The following VMP1 variants were observed in gnomAD, a reference collection of about 807,000 sequenced individuals.
The protein encoded by VMP1 is vacuole membrane protein 1.
A neutral mutation model predicts 56.0 loss-of-function variants in VMP1; 11 were observed. That is an observed-to-expected ratio of 0.20 (90% CI 0.12 to 0.32). The LOEUF is 0.32. Among genes scored for constraint, VMP1 ranks in the 10% least tolerant of loss-of-function variants. The pLI, the probability that VMP1 is intolerant of heterozygous loss-of-function variation, is 1.00. For missense variants in VMP1, 296 were observed against 490.3 expected (o/e 0.60, Z 3.74); for synonymous variants, 149 against 165.0 (o/e 0.90, Z 0.74).
At chr17:59,771,205 A>T (rs1313738181) in intron 6 of VMP1, among the ~76,000 whole-genome samples, 1 of 150,056 alleles carries the variant, frequency 6.7e-6, no homozygotes, top group Non-Finnish European at 1.5e-5. Flanking sequence ...ACAGGGTCTC[A>T]CTCTGTCACC....
chr17:59,786,038 G>C (rs2036996630), intron 7 of VMP1, among the ~76,000 whole-genome samples: 1 of 151,860 alleles, frequency 6.6e-6, no homozygotes, highest in Admixed American at 6.6e-5. Flanking sequence ...AGCTTAATAG[G>C]ATCTTTGTCC....
chr17:59,727,141 GT>G (rs1022672307), intron 1 of VMP1, among the ~76,000 whole-genome samples: 11 of 148,490 alleles, frequency 7.4e-5, no homozygotes, highest in Admixed American at 4.0e-4. Flanking sequence ...GTTTTTTTTT[GT>G]TTTTTTTTGA....
In VMP1 at chr17:59,821,539, C is replaced by CTTTTTTTTTTTTTT. The variant is rs530907168; in HGVS notation, c.974+3776_974+3789dup. 1.9e-4 allele frequency among the ~76,000 whole-genome samples: 20 copies of CTTTTTTTTTTTTTT among 104,724 alleles called. 1 individual carries two copies. Among genetic ancestry groups the CTTTTTTTTTTTTTT allele is most frequent in the African/African-American group, 7.2e-4 (19 of 26,254 alleles). 68.7% of individuals were successfully genotyped at this position (104,724 alleles called of 152,430 possible). Reference sequence around the variant, plus strand: ...TACAGGGATTACCTCAGCTACTTTTCTTTTTTTTTTTTTTTTTTTTTTTGA... The same window carrying CTTTTTTTTTTTTTT: ...TACAGGGATTACCTCAGCTACTTTTCTTTTTTTTTTTTTTTTTTTTTTTTTTTTTTTTTTTTTGA... On this transcript the variant is annotated intron_variant, in intron 10 of 11. Coordinates refer to ENST00000262291, the MANE Select transcript of VMP1 (RefSeq NM_030938.5).
intron 10 of VMP1, among the ~76,000 whole-genome samples, chr17:59,819,412 G>A (rs1022635568): frequency 1.3e-5 from 2 of 152,010 alleles, no homozygotes; most frequent in South Asian, 4.1e-4. Flanking sequence ...CAAAGTGTTG[G>A]AATTACTGGC....
intron 7 of VMP1, among the ~76,000 whole-genome samples, chr17:59,799,923 G>A (rs1014874238): frequency 1.4e-5 from 2 of 146,996 alleles, no homozygotes; most frequent in Non-Finnish European, 3.0e-5. Flanking sequence ...AGATCCTGGG[G>A]GATAAGAGTG....
At chr17:59,747,834 G>T (rs2035484706) in intron 5 of VMP1, among the ~76,000 whole-genome samples, 1 of 151,906 alleles carries the variant, frequency 6.6e-6, no homozygotes, top group Non-Finnish European at 1.5e-5. Context: ...GTTTAAGGCT[G>T]CAGTGAGCTA....
At chr17:59,777,825 A>G (rs2036677366) in intron 7 of VMP1, among the ~76,000 whole-genome samples, 1 of 151,054 alleles carries the variant, frequency 6.6e-6, no homozygotes, top group Non-Finnish European at 1.5e-5. Context: ...AAACAAAACA[A>G]AACAAAACAA....
At chr17:59,755,357 G>A (rs1017155382) in intron 5 of VMP1, among the ~76,000 whole-genome samples, 3 of 151,906 alleles carry the variant, frequency 2.0e-5, no homozygotes, top group African/African-American at 4.8e-5. Flanking sequence ...TGATCTGCCC[G>A]CCTCAGCCTC....
At chr17:59,828,853 TG>T (rs1169306504) in intron 10 of VMP1, among the ~76,000 whole-genome samples, 9 of 152,206 alleles carry the variant, frequency 5.9e-5, no homozygotes, top group African/African-American at 2.2e-4. Context: ...CAGAGGCTTA[TG>T]CCTGTAATCC....
intron 10 of VMP1, among the ~76,000 whole-genome samples, chr17:59,830,225 G>C (rs2038765453): frequency 6.6e-6 from 1 of 151,900 alleles, no homozygotes; most frequent in African/African-American, 2.4e-5. Flanking sequence ...AGCATGCTCA[G>C]CCAATTTTTA....
At chr17:59,823,965 A>T (rs556976773) in intron 10 of VMP1, among the ~76,000 whole-genome samples, 106 of 152,328 alleles carry the variant, frequency 7.0e-4, no homozygotes, top group Middle Eastern at 3.4e-3. Flanking sequence ...GCAAGGAAGA[A>T]TGAAAAATGA....
intron 5 of VMP1, among the ~76,000 whole-genome samples, chr17:59,756,036 C>G (rs2035830014): frequency 6.6e-6 from 1 of 152,142 alleles, no homozygotes; most frequent in South Asian, 2.1e-4. Context: ...TGTTCCCAGC[C>G]TGTACTGCAT....
Position 59,778,289 on chromosome 17 carries a change from C to A in VMP1, c.714+4404C>A, listed in dbSNP as rs144544652. Among the ~76,000 whole-genome samples, 1,097 of 152,050 alleles carry A rather than the reference C, an allele frequency of 7.2e-3. 11 individuals carry two copies. The highest frequency in any genetic ancestry group is 0.025 in the African/African-American group (1,041 of 41,486). On this transcript the variant is annotated intron_variant, in intron 7 of 11. Coordinates refer to ENST00000262291, the MANE Select transcript of VMP1 (RefSeq NM_030938.5). ...GGGCGCAGTGGCTCAGCCTGTAATC[C>A]CAGCACTTTGGGAGGCAGAGGCAGG... is the stretch of plus-strand genomic sequence containing the variant.
At chr17:59,804,577 T>C (rs1217083918) in intron 7 of VMP1, among the ~76,000 whole-genome samples, 2 of 143,452 alleles carry the variant, frequency 1.4e-5, no homozygotes. Context: ...ATCGCACCAC[T>C]TCACTCACTG....
At chr17:59,822,034 G>T (rs1164159365) in intron 10 of VMP1, among the ~76,000 whole-genome samples, 1 of 151,922 alleles carries the variant, frequency 6.6e-6, no homozygotes, top group Admixed American at 6.6e-5. Flanking sequence ...GTAGAGATGG[G>T]CTTCCACCAT....
At chr17:59,816,092 A>G (rs1377808992) in intron 9 of VMP1, among the ~76,000 whole-genome samples, 6 of 152,172 alleles carry the variant, frequency 3.9e-5, no homozygotes, top group Non-Finnish European at 8.8e-5. Flanking sequence ...AGACTAAGAC[A>G]TATGTTCTTA....
At chr17:59,744,995 A>G (rs777537631) in intron 5 of VMP1, among the ~76,000 whole-genome samples, 11 of 152,220 alleles carry the variant, frequency 7.2e-5, no homozygotes, top group Non-Finnish European at 1.2e-4. Context: ...CACTACTAAC[A>G]ACAAAAAAGG....
rs567498142 is a variant in VMP1, at chr17:59,711,928, T to G, written c.-27+4180T>G. ...TTCTTTATAGATTACCTGGAAGGACTAGGCAGGTAGTGTTAAAAGCCAGGG... is the reference window on the plus strand; with the variant it reads ...TTCTTTATAGATTACCTGGAAGGACGAGGCAGGTAGTGTTAAAAGCCAGGG... On this transcript the variant is annotated intron_variant, in intron 1 of 11. Transcript: ENST00000262291. Among the ~76,000 whole-genome samples, 8 of 152,346 alleles carry G rather than the reference T, an allele frequency of 5.3e-5. No individual in the cohort carries two copies. The South Asian group carries it at 1.7e-3, about 32-fold the overall frequency.
rs371946109 is a variant in VMP1 at position 59,841,373 on chromosome 17, G to A, written c.*1462G>A. ...TTTCATCTGACCATCCATATCCAAT[G>A]TTCTCATTTAAACATTACCCAGCAT... is the stretch of plus-strand genomic sequence containing the variant. On this transcript the variant is annotated 3_prime_UTR_variant, in exon 12 of 12. Coordinates refer to ENST00000262291, the MANE Select transcript of VMP1 (RefSeq NM_030938.5). 4.1e-4 allele frequency: 202 copies of A among 491,356 alleles called. No individual in the cohort carries two copies. The highest frequency in any genetic ancestry group is 8.5e-4 in the Non-Finnish European group (193 of 227,178). 30.4% of individuals were successfully genotyped at this position (491,356 alleles called of 1,614,324 possible). A position where few individuals can be genotyped will look rare whatever the true frequency, so the allele number is the denominator to read the frequency against.
Sources: allele counts gnomAD v4.1 joint callset (sites outside exome capture counted in the v4.1 genomes callset), GRCh38; gene constraint gnomAD v4.1.1; transcripts MANE v1.5; gene names NCBI Gene and HGNC (gene_info 2026-07-23, HGNC 2026-07-21).